Variants in CNOT6 observed in about 807,000 individuals in gnomAD.
CNOT6 encodes the protein CCR4-NOT transcription complex subunit 6, also known as carbon catabolite repression 4 protein.
CNOT6 carries 12 observed loss-of-function variants against 61.2 expected under a neutral mutation model. That is an observed-to-expected ratio of 0.20 (90% CI 0.13 to 0.32). CNOT6 has a LOEUF of 0.32. Among genes scored for constraint, CNOT6 ranks in the 10% least tolerant of loss-of-function variants. The pLI is 1.00. For missense variants in CNOT6, 405 were observed against 663.9 expected, an observed-to-expected ratio of 0.61 and a Z score of 4.28; for synonymous variants, 225 against 240.6, an observed-to-expected ratio of 0.94 and a Z score of 0.60.
chr5:180,499,934 A>G (rs948590688), intron 1 of CNOT6, among the ~76,000 whole-genome samples: 2 of 152,106 alleles, frequency 1.3e-5, no homozygotes, highest in African/African-American at 4.8e-5. Context: ...AGTGTGTTTC[A>G]TGTATTTCTA....
At chr5:180,536,338 A>C (rs1222313714) in intron 2 of CNOT6, among the ~76,000 whole-genome samples, 1 of 151,398 alleles carries the variant, frequency 6.6e-6, no homozygotes, top group Non-Finnish European at 1.5e-5. Context: ...TTCCTTGTAG[A>C]TTCTATATAG....
chr5:180,542,686 A>G (rs888918935), intron 2 of CNOT6, among the ~76,000 whole-genome samples: 1 of 152,224 alleles, frequency 6.6e-6, no homozygotes, highest in East Asian at 1.9e-4. Flanking sequence ...GAACACATAA[A>G]TTGATTTCTC....
At chr5:180,573,285 GT>G (rs1282460013) in intron 11 of CNOT6, among the ~76,000 whole-genome samples, 1 of 152,108 alleles carries the variant, frequency 6.6e-6, no homozygotes, top group Non-Finnish European at 1.5e-5. Context: ...AGAAAAGGGG[GT>G]CAGGTAGAGA....
intron 2 of CNOT6, among the ~76,000 whole-genome samples, chr5:180,548,501 C>T (rs1208170706): frequency 1.3e-5 from 2 of 152,184 alleles, no homozygotes; most frequent in Non-Finnish European, 2.9e-5. Flanking sequence ...TTCTAATCAC[C>T]TTGGCTTCCC....
At chr5:180,545,687 C>G (rs1452299485) in intron 2 of CNOT6, among the ~76,000 whole-genome samples, 2 of 152,164 alleles carry the variant, frequency 1.3e-5, no homozygotes, top group African/African-American at 4.8e-5. Context: ...GAACATTCCC[C>G]TTTGTGTGGG....
rs762930002 is a variant in CNOT6 at position 180,571,300 on chromosome 5, T to A, written c.1329T>A (p.Asn443Lys). ...AAGACTTTAAGGAGTTGAGGTATAA[T>A]GAAAGTCTCACAAACTTCAGCTGTC... ...NHKDFKELRY[N>K]ESLTNFSCHG... Residue 443 changes from asparagine (N) to lysine (K), a missense_variant, in exon 11 of 12, where the codon AAT becomes AAA. By Grantham distance (94) the Asn-to-Lys change is moderately conservative. This residue lies in a region of CNOT6 where 116 missense variants were observed against 184.6 expected (regional missense o/e 0.63). Coordinates refer to ENST00000261951, the MANE Select transcript of CNOT6 (RefSeq NM_001370472.1). The A allele has an allele frequency of 3.1e-6, 5 of 1,614,116 alleles. No homozygotes were observed. The Admixed American group carries it at 8.3e-5, about 27-fold the overall frequency.
chr5:180,554,140 G>A (rs545838153), intron 4 of CNOT6, among the ~76,000 whole-genome samples: 7 of 152,204 alleles, frequency 4.6e-5, no homozygotes, highest in South Asian at 2.1e-4. Flanking sequence ...CCCTTAGGCC[G>A]GGCACAGTGG....
chr5:180,529,811 A>G (rs1758269768), intron 2 of CNOT6, among the ~76,000 whole-genome samples: 1 of 152,194 alleles, frequency 6.6e-6, no homozygotes, highest in Admixed American at 6.5e-5. Context: ...GGTTTTGGGT[A>G]GGTTTGTTTC....
In CNOT6 at chr5:180,504,955, ATTTTTTTTTT is replaced by A. The variant is rs769852255; in HGVS notation, c.-3+10205_-3+10214del. 2.0e-5 allele frequency among the ~76,000 whole-genome samples: 2 copies of A among 101,492 alleles called. 1 individual carries two copies. Among genetic ancestry groups the A allele is most frequent in the Non-Finnish European group, 3.7e-5 (2 of 53,814 alleles). 66.6% of individuals were successfully genotyped at this position (101,492 alleles called of 152,430 possible). On this transcript the variant is annotated intron_variant, in intron 1 of 11. Coordinates refer to ENST00000261951, the MANE Select transcript of CNOT6 (RefSeq NM_001370472.1). The stretch of plus-strand genomic sequence containing the variant: ...AATGAAAGTTCTGAGGTACTAGTTA[ATTTTTTTTTT>A]TTTTTTTTTTTTGAGACGAAGTCTT...
At chr5:180,509,791 C>T (rs1387270906) in intron 1 of CNOT6, among the ~76,000 whole-genome samples, 2 of 151,102 alleles carry the variant, frequency 1.3e-5, no homozygotes, top group African/African-American at 2.4e-5. Flanking sequence ...AGTGATCCTC[C>T]TACCGTGGCC....
At chr5:180,571,995 C>G (rs540434880) in intron 11 of CNOT6, among the ~76,000 whole-genome samples, 2 of 152,136 alleles carry the variant, frequency 1.3e-5, no homozygotes, top group East Asian at 3.9e-4. Context: ...CCTAAGTTGA[C>G]TTTTTCACCT....
chr5:180,570,512 A>G (rs1237462683), intron 10 of CNOT6, among the ~76,000 whole-genome samples: 4 of 152,182 alleles, frequency 2.6e-5, no homozygotes, highest in Admixed American at 6.5e-5. Flanking sequence ...GTCTCTGACA[A>G]TTTCTCTACA....
chr5:180,507,971 C>T (rs567698311), intron 1 of CNOT6, among the ~76,000 whole-genome samples: 2 of 152,234 alleles, frequency 1.3e-5, no homozygotes, highest in Admixed American at 1.3e-4. Flanking sequence ...CCAGTCACCT[C>T]CCACTAGGCC....
At chr5:180,495,488 T>C (rs1164077276) in intron 1 of CNOT6, 1 of 152,272 alleles carries the variant, frequency 6.6e-6, no homozygotes, top group Admixed American at 6.5e-5. Context: ...CCGAAGAGCC[T>C]GCTAACCAAC....
intron 4 of CNOT6, among the ~76,000 whole-genome samples, chr5:180,557,337 T>G (rs543136180): frequency 2.0e-4 from 31 of 152,328 alleles, no homozygotes; most frequent in African/African-American, 7.5e-4. Context: ...TTTTCTGTAG[T>G]GTAAGTACTG....
At chr5:180,498,590 G>A (rs1172981682) in intron 1 of CNOT6, among the ~76,000 whole-genome samples, 1 of 152,192 alleles carries the variant, frequency 6.6e-6, no homozygotes, top group Non-Finnish European at 1.5e-5. Flanking sequence ...AGATGAGCCT[G>A]CAAAGGTGTG....
intron 2 of CNOT6, among the ~76,000 whole-genome samples, chr5:180,537,870 T>C (rs568033256): frequency 1.3e-5 from 2 of 151,522 alleles, no homozygotes; most frequent in African/African-American, 4.8e-5. Flanking sequence ...ATTGCCAGTG[T>C]ATAAGAAAGT....
intron 2 of CNOT6, among the ~76,000 whole-genome samples, chr5:180,549,027 TATTTG>T (rs1350039062): frequency 6.6e-6 from 1 of 152,186 alleles, no homozygotes; most frequent in East Asian, 1.9e-4. Flanking sequence ...TGCCTACTAC[TATTTG>T]ATTATAAAGG....
At chr5:180,548,954 A>G (rs1759450385) in intron 2 of CNOT6, among the ~76,000 whole-genome samples, 1 of 152,254 alleles carries the variant, frequency 6.6e-6, no homozygotes, top group East Asian at 1.9e-4. Flanking sequence ...AAGAAGTGTC[A>G]AAGTGCAGAT....
Sources: allele counts gnomAD v4.1 joint callset (sites outside exome capture counted in the v4.1 genomes callset), GRCh38; gene constraint gnomAD v4.1.1; regional missense constraint gnomAD v4.1.1; transcripts MANE v1.5; gene names NCBI Gene and HGNC (gene_info 2026-07-23, HGNC 2026-07-21).